Variants in ARHGAP32 observed in about 807,000 individuals in gnomAD.
ARHGAP32 encodes the protein Rho GTPase activating protein 32.
ARHGAP32 carries 51 observed loss-of-function variants against 186.5 expected under a neutral mutation model. The observed-to-expected ratio is 0.27, with a 90% CI of 0.22 to 0.35. The LOEUF is 0.35. ARHGAP32 is among the 10% of genes least tolerant of loss of function. ARHGAP32 has a pLI of 1.00. For missense variants in ARHGAP32, 2,186 were observed against 2,623.5 expected, an observed-to-expected ratio of 0.83 and a Z score of 3.64; for synonymous variants, 950 against 964.3, an observed-to-expected ratio of 0.99 and a Z score of 0.27.
intron 6 of ARHGAP32, among the ~76,000 whole-genome samples, chr11:129,069,804 G>A (rs1177069380): frequency 6.6e-6 from 1 of 151,976 alleles, no homozygotes; most frequent in Non-Finnish European, 1.5e-5. Flanking sequence ...GAAATGATCT[G>A]CAATTTGGTA....
At chr11:128,998,504 G>A in intron 11 of ARHGAP32, 36 bp from the exon 12 acceptor site, 3 of 1,471,534 alleles carry the variant, frequency 2.0e-6, no homozygotes, top group Non-Finnish European at 2.7e-6. Context: ...CTTAGTTGTG[G>A]CAAGAGGTTA....
chr11:128,977,855 TTATTA>T (rs1945592450), intron 19 of ARHGAP32, among the ~76,000 whole-genome samples: 3 of 14,960 alleles, frequency 2.0e-4, no homozygotes, highest in South Asian at 1.7e-3. Context: ...TTGCAATTTA[TTATTA>T]TTATTATTAT....
chr11:129,087,301 T>C (rs149478486), intron 6 of ARHGAP32, among the ~76,000 whole-genome samples: 4 of 152,366 alleles, frequency 2.6e-5, no homozygotes, highest in South Asian at 2.1e-4. Context: ...CAAATGTTTA[T>C]AGCAACTTTA....
intron 10 of ARHGAP32, among the ~76,000 whole-genome samples, chr11:129,060,532 TC>T (rs1305294128): frequency 6.6e-6 from 1 of 152,164 alleles, no homozygotes; most frequent in Non-Finnish European, 1.5e-5. Flanking sequence ...AAGAACTGAC[TC>T]CTTAATAGGA....
intron 8 of ARHGAP32, among the ~76,000 whole-genome samples, chr11:129,064,233 C>CA (rs147900948): frequency 2.4e-3 from 366 of 150,104 alleles, no homozygotes; most frequent in African/African-American, 8.5e-3. Flanking sequence ...CTCATAACTC[C>CA]AAAAAAAAAT....
intron 1 of ARHGAP32, among the ~76,000 whole-genome samples, chr11:129,270,534 G>T (rs1000091237): frequency 6.6e-6 from 1 of 151,100 alleles, no homozygotes; most frequent in African/African-American, 2.4e-5. Context: ...TGGGAAAAAT[G>T]AGTGAATCCT....
chr11:129,268,964 GA>G (rs1945440992), intron 1 of ARHGAP32, among the ~76,000 whole-genome samples: 1 of 152,312 alleles, frequency 6.6e-6, no homozygotes, highest in Non-Finnish European at 1.5e-5. Context: ...AGCTCAGAGA[GA>G]GGGGGGTTAT....
intron 11 of ARHGAP32, among the ~76,000 whole-genome samples, chr11:129,006,454 A>T (rs556720145): frequency 6.6e-6 from 1 of 152,354 alleles, no homozygotes; most frequent in East Asian, 1.9e-4. Context: ...ACCCCAATTC[A>T]ATAATGCTGT....
At chr11:129,122,449 G>A (rs1201918061) in intron 5 of ARHGAP32, among the ~76,000 whole-genome samples, 2 of 151,966 alleles carry the variant, frequency 1.3e-5, no homozygotes, top group Non-Finnish European at 2.9e-5. Flanking sequence ...AATGAAAAAT[G>A]TACTCATTAC....
Position 128,981,946 on chromosome 11 carries a change from A to C in ARHGAP32, c.1527-10T>G. On this transcript the variant is annotated splice_polypyrimidine_tract_variant and intron_variant, in intron 15 of 22. Transcript: ENST00000682385. Reference sequence around the variant, plus strand: ...CAGGAACTCCAGTGTTCTGGAAATAAAATACAACATATTAACAGAAAGAAA... The same window carrying C: ...CAGGAACTCCAGTGTTCTGGAAATACAATACAACATATTAACAGAAAGAAA... 2.0e-6 allele frequency: 3 copies of C among 1,499,594 alleles called. No individual in the cohort carries two copies. The highest frequency in any genetic ancestry group is 2.8e-6 in the Non-Finnish European group (3 of 1,081,332). The allele number at this position is 1,499,594 out of a possible 1,614,324, so 92.9% of individuals were successfully genotyped here. A position where few individuals can be genotyped will look rare whatever the true frequency, so the allele number is the denominator to read the frequency against.
At chr11:129,114,405 T>C (rs762838930) in intron 5 of ARHGAP32, among the ~76,000 whole-genome samples, 1 of 152,112 alleles carries the variant, frequency 6.6e-6, no homozygotes, top group African/African-American at 2.4e-5. Flanking sequence ...ATTTATAACA[T>C]TGTTTTTCTC....
intron 1 of ARHGAP32, among the ~76,000 whole-genome samples, chr11:129,270,880 G>A (rs140910025): frequency 9.2e-5 from 14 of 152,170 alleles, no homozygotes; most frequent in African/African-American, 3.4e-4. Context: ...GCTGGGAGTT[G>A]TCCTGTGCAT....
In ARHGAP32 at chr11:129,182,099, C is replaced by G. The variant is rs190105559; in HGVS notation, c.116+9984G>C. ...CTTTCCATATCAATACATAGAACTT[C>G]TTTGCTGTTTTTACAACTATATAAT... On this transcript the variant is annotated intron_variant, in intron 1 of 22. Transcript: ENST00000682385. Among the ~76,000 whole-genome samples, 461 of 152,194 alleles carry G rather than the reference C, an allele frequency of 3.0e-3. 4 individuals carry two copies. Among genetic ancestry groups the G allele is most frequent in the African/African-American group, 0.011 (448 of 41,534 alleles).
chr11:129,094,908 G>T (rs1941688021), intron 5 of ARHGAP32, among the ~76,000 whole-genome samples: 1 of 152,010 alleles, frequency 6.6e-6, no homozygotes, highest in Non-Finnish European at 1.5e-5. Flanking sequence ...CAAGTTTGTG[G>T]GTATTAAATG....
chr11:129,120,761 T>C (rs553099096), intron 5 of ARHGAP32, among the ~76,000 whole-genome samples: 66 of 152,148 alleles, frequency 4.3e-4, no homozygotes, highest in Non-Finnish European at 7.1e-4. Flanking sequence ...ATAAAGACAA[T>C]GAATCTGTAA....
At chr11:129,250,702 T>C (rs1442053006) in intron 1 of ARHGAP32, among the ~76,000 whole-genome samples, 2 of 152,226 alleles carry the variant, frequency 1.3e-5, no homozygotes, top group Non-Finnish European at 2.9e-5. Flanking sequence ...TGTAGCAGAA[T>C]TATTTCTGAA....
chr11:129,094,415 T>C (rs1941670970), intron 5 of ARHGAP32, among the ~76,000 whole-genome samples: 1 of 152,206 alleles, frequency 6.6e-6, no homozygotes. Context: ...CATGTAGGTC[T>C]GCATACTGGA....
At chr11:129,063,238 T>C (rs546912901) in intron 9 of ARHGAP32, among the ~76,000 whole-genome samples, 9 of 152,148 alleles carry the variant, frequency 5.9e-5, no homozygotes, top group Non-Finnish European at 1.0e-4. Flanking sequence ...CCTACATTTC[T>C]TTCTGTACAG....
Position 128,972,953 on chromosome 11 carries a change from A to C in ARHGAP32, c.3553T>G (p.Leu1185Val). 6.2e-7 allele frequency: 1 copy of C among 1,614,056 alleles called. No individual in the cohort carries two copies. Among genetic ancestry groups the C allele is most frequent in the Non-Finnish European group, 8.5e-7 (1 of 1,180,020 alleles). The change falls in exon 22 of 23, where the codon TTA becomes GTA. Residue 1185 changes from leucine (L) to valine (V), a missense_variant. Coordinates refer to ENST00000682385, the MANE Select transcript of ARHGAP32 (RefSeq NM_001378024.1). ...TGATCATCAGACTTCTCTGAGTCTAAGGGAACTGAAGTAATTCTGGCCTTT... is the reference window on the plus strand; with the variant it reads ...TGATCATCAGACTTCTCTGAGTCTACGGGAACTGAAGTAATTCTGGCCTTT... ...PEKARITSVP[L>V]DSEKSDDHVS... is the part of the protein sequence containing the mutation.
Sources: allele counts gnomAD v4.1 joint callset (sites outside exome capture counted in the v4.1 genomes callset), GRCh38; gene constraint gnomAD v4.1.1; transcripts MANE v1.5; gene names NCBI Gene and HGNC (gene_info 2026-07-23, HGNC 2026-07-21).